The following ADAMTSL1 variants were observed in gnomAD, a reference collection of about 807,000 sequenced individuals.
ADAMTSL1 encodes ADAMTS like 1.
ADAMTSL1 carries 126 observed loss-of-function variants against 201.8 expected under a neutral mutation model. That is an observed-to-expected ratio of 0.62 (90% confidence interval 0.54 to 0.72). The LOEUF (loss-of-function observed/expected upper bound fraction) is 0.72, where lower values mean the gene tolerates loss of function less well. Among genes scored for constraint, ADAMTSL1 ranks in the 30% least tolerant of loss-of-function variants. The pLI, the probability that ADAMTSL1 is intolerant of heterozygous loss-of-function variation, is 0.00. For synonymous variants in ADAMTSL1, 1,121 were observed against 903.4 expected, an observed-to-expected ratio of 1.24 and a Z score of -4.32; for missense variants, 2,679 against 2,277.8, an observed-to-expected ratio of 1.18 and a Z score of -3.59.
chr9:18,765,597 A>G (rs1314644018), intron 16 of ADAMTSL1, among the ~76,000 whole-genome samples: 3 of 152,204 alleles, frequency 2.0e-5, no homozygotes, highest in African/African-American at 7.2e-5. Flanking sequence ...TGGGAAACAA[A>G]CAAATAATTA....
At chr9:18,492,149 A>T (rs1340864279) in intron 1 of ADAMTSL1, among the ~76,000 whole-genome samples, 1 of 152,182 alleles carries the variant, frequency 6.6e-6, no homozygotes, top group Non-Finnish European at 1.5e-5. Flanking sequence ...ACAATAACAG[A>T]GTTTCTGTTT....
intron 1 of ADAMTSL1, among the ~76,000 whole-genome samples, chr9:18,105,843 G>A (rs1824734618): frequency 6.6e-6 from 1 of 152,130 alleles, no homozygotes; most frequent in African/African-American, 2.4e-5. Flanking sequence ...ATCTCCTCTG[G>A]AGAGTAGAAC....
chr9:18,022,828 C>T (rs751359142), intron 1 of ADAMTSL1, among the ~76,000 whole-genome samples: 33 of 152,180 alleles, frequency 2.2e-4, no homozygotes, highest in South Asian at 4.2e-4. Flanking sequence ...ATTTATTCAG[C>T]GCCTACTATT....
chr9:18,260,866 T>C (rs1831892051), intron 2 of ADAMTSL1, among the ~76,000 whole-genome samples: 1 of 152,134 alleles, frequency 6.6e-6, no homozygotes, highest in Non-Finnish European at 1.5e-5. Context: ...CTGAAGTCAT[T>C]AGTTGTGGTT....
rs549200548 is a variant in ADAMTSL1 at position 18,585,967 on chromosome 9, G to A, written c.474+11701G>A. Among the ~76,000 whole-genome samples, 501 of 152,186 alleles carry A rather than the reference G, an allele frequency of 3.3e-3. 2 individuals are homozygous for A. The highest frequency in any genetic ancestry group is 6.0e-3 in the Non-Finnish European group (407 of 67,992). Reference sequence around the variant, plus strand: ...AAACAATAAGAGTCATCTATGACAAGCCCACAGCCAACATTATACTGAATG... The same window carrying A: ...AAACAATAAGAGTCATCTATGACAAACCCACAGCCAACATTATACTGAATG... On this transcript the variant is annotated intron_variant, in intron 4 of 28. Transcript: ENST00000380548.
At chr9:18,702,055 C>T (rs371695782) in intron 13 of ADAMTSL1, among the ~76,000 whole-genome samples, 15 of 152,052 alleles carry the variant, frequency 9.9e-5, no homozygotes, top group African/African-American at 3.1e-4. Context: ...ACATGGATAG[C>T]GGCAGGCAAA....
chr9:18,006,032 A>G (rs1280327255), intron 1 of ADAMTSL1, among the ~76,000 whole-genome samples: 1 of 151,934 alleles, frequency 6.6e-6, no homozygotes, highest in Non-Finnish European at 1.5e-5. Flanking sequence ...AAAGTACACC[A>G]TATATATTCG....
chr9:18,105,290 A>C (rs1824707018), intron 1 of ADAMTSL1, among the ~76,000 whole-genome samples: 1 of 152,180 alleles, frequency 6.6e-6, no homozygotes, highest in Non-Finnish European at 1.5e-5. Context: ...ATGGATAATC[A>C]GAACTTGGCC....
chr9:18,502,218 A>G (rs913122702), intron 1 of ADAMTSL1, among the ~76,000 whole-genome samples: 1 of 152,222 alleles, frequency 6.6e-6, no homozygotes, highest in African/African-American at 2.4e-5. Flanking sequence ...GGATAGCATC[A>G]AAGTTTGTAA....
intron 23 of ADAMTSL1, among the ~76,000 whole-genome samples, chr9:18,832,178 C>CA (rs1478205809): frequency 5.9e-5 from 9 of 152,310 alleles, no homozygotes; most frequent in African/African-American, 2.2e-4. Context: ...ACCCTCACCC[C>CA]AACAATCCTA....
intron 2 of ADAMTSL1, among the ~76,000 whole-genome samples, chr9:18,198,058 T>G (rs1237956694): frequency 2.0e-5 from 3 of 152,134 alleles, no homozygotes; most frequent in African/African-American, 4.8e-5. Flanking sequence ...TAGCCATATG[T>G]AGAAAGCTGA....
At chr9:17,985,387 T>G (rs1818882959) in intron 1 of ADAMTSL1, among the ~76,000 whole-genome samples, 1 of 152,120 alleles carries the variant, frequency 6.6e-6, no homozygotes, top group African/African-American at 2.4e-5. Flanking sequence ...GGAAGACCAT[T>G]TAAAATAATT....
intron 26 of ADAMTSL1, among the ~76,000 whole-genome samples, chr9:18,904,205 A>C (rs1830161347): frequency 6.6e-6 from 1 of 152,164 alleles, no homozygotes; most frequent in Non-Finnish European, 1.5e-5. Flanking sequence ...ACGGTGGCTT[A>C]CACCTGGACT....
In ADAMTSL1 at chr9:18,777,379, G is replaced by A. The variant is rs1435395535; in HGVS notation, c.3150G>A (p.Arg1050=). The part of the protein sequence containing the change: ...ASWEAQDSAE[R]NTTSEEDPGA... ...GGGAGGCGCAGGACTCTGCGGAAAG[G>A]AACACGACCTCGGAGGAGGACCCGG... The change falls in exon 19 of 29, where the codon AGG becomes AGA. Residue 1050 remains arginine, a synonymous_variant. Transcript: ENST00000380548. The A allele has an allele frequency of 6.2e-7, 1 of 1,603,070 alleles. No individual in the cohort carries two copies. Among genetic ancestry groups the A allele is most frequent in the Non-Finnish European group, 8.5e-7 (1 of 1,175,360 alleles).
intron 2 of ADAMTSL1, among the ~76,000 whole-genome samples, chr9:18,206,891 C>T (rs142173883): frequency 3.2e-4 from 48 of 152,100 alleles, no homozygotes; most frequent in African/African-American, 8.2e-4. Flanking sequence ...GGGCTTGGCA[C>T]GGTGGCTCAC....
chr9:18,600,378 T>G (rs541309246), intron 4 of ADAMTSL1, among the ~76,000 whole-genome samples: 74 of 152,348 alleles, frequency 4.9e-4, no homozygotes, highest in African/African-American at 1.7e-3. Flanking sequence ...CCCAAGGTCA[T>G]GTAACTTGTG....
intron 1 of ADAMTSL1, among the ~76,000 whole-genome samples, chr9:18,096,241 A>C (rs2131831093): frequency 6.6e-6 from 1 of 152,368 alleles, no homozygotes; most frequent in Middle Eastern, 3.4e-3. Context: ...AATGTTGCAT[A>C]TATAATGTGC....
chr9:18,541,150 G>A (rs537967310), intron 3 of ADAMTSL1, among the ~76,000 whole-genome samples: 1 of 152,264 alleles, frequency 6.6e-6, no homozygotes, highest in Non-Finnish European at 1.5e-5. Context: ...ACAAAATTGG[G>A]AGCAGGCTCT....
At chr9:18,888,617 T>C (rs998673379) in intron 24 of ADAMTSL1, among the ~76,000 whole-genome samples, 1 of 152,194 alleles carries the variant, frequency 6.6e-6, no homozygotes, top group Non-Finnish European at 1.5e-5. Flanking sequence ...GGCCTGGCCT[T>C]CACTGCACCA....
Sources: allele counts gnomAD v4.1 joint callset (sites outside exome capture counted in the v4.1 genomes callset), GRCh38; gene constraint gnomAD v4.1.1; transcripts MANE v1.5; gene names NCBI Gene and HGNC (gene_info 2026-07-23, HGNC 2026-07-21).